Variants in HPSE2 observed in about 807,000 individuals in gnomAD.
The protein encoded by HPSE2 is inactive heparanase-2.
In HPSE2, 38 loss-of-function variants were observed where a neutral mutation model predicts 60.5. The observed-to-expected ratio is 0.63, with a 90% CI of 0.48 to 0.82. The LOEUF is 0.82. HPSE2 is among the 40% of genes least tolerant of loss of function. HPSE2 has a pLI of 0.00. For synonymous variants in HPSE2, 295 were observed against 293.2 expected, an observed-to-expected ratio of 1.01 and a Z score of -0.06; for missense variants, 713 against 740.4, an observed-to-expected ratio of 0.96 and a Z score of 0.43.
At chr10:98,919,121 G>A (rs1224688755) in intron 3 of HPSE2, among the ~76,000 whole-genome samples, 1 of 152,134 alleles carries the variant, frequency 6.6e-6, no homozygotes, top group Non-Finnish European at 1.5e-5. Context: ...GATCAATGCT[G>A]ACTAGAAATC....
chr10:99,232,255 A>G lies in HPSE2; in HGVS notation c.448+93T>C, dbSNP rs375746270. The G allele has an allele frequency of 3.4e-3, 4,734 of 1,376,498 alleles. 138 individuals carry two copies. In the African/African-American group the frequency reaches 0.062, roughly 18 times the overall value. The allele number at this position is 1,376,498 out of a possible 1,614,324, so 85.3% of individuals were successfully genotyped here. A position where few individuals can be genotyped will look rare whatever the true frequency, so the allele number is the denominator to read the frequency against. On this transcript the variant is annotated intron_variant, in intron 2 of 11. Transcript: ENST00000370552. Reference sequence around the variant, plus strand: ...CACACACACACACACACACACACACACGAACACACAGACACACGAACACAC... The same window carrying G: ...CACACACACACACACACACACACACGCGAACACACAGACACACGAACACAC...
At chr10:98,869,844 A>G (rs947152056) in intron 3 of HPSE2, among the ~76,000 whole-genome samples, 2 of 152,180 alleles carry the variant, frequency 1.3e-5, no homozygotes, top group African/African-American at 4.8e-5. Flanking sequence ...TGAGAGGCAT[A>G]CTGTCAAAGT....
chr10:99,280,480 T>A, the HPSE2 span, among the ~76,000 whole-genome samples: 9 of 152,224 alleles, frequency 5.9e-5, no homozygotes, highest in East Asian at 1.4e-3. Flanking sequence ...TTCCCAAATA[T>A]CAACTGCCTA....
At chr10:98,896,197 A>G (rs1953488289) in intron 3 of HPSE2, among the ~76,000 whole-genome samples, 1 of 152,130 alleles carries the variant, frequency 6.6e-6, no homozygotes, top group African/African-American at 2.4e-5. Flanking sequence ...CTCATTGCCT[A>G]CAGTTGATCC....
In HPSE2 at chr10:98,782,707, C is replaced by G. The variant is rs1422493548; in HGVS notation, c.611-38651G>C. ...ATTGGCCAGTGGAATAGACTAGAGT[C>G]CAGAAACAGATCCACACATATTTAG... On this transcript the variant is annotated intron_variant, in intron 3 of 11. Coordinates refer to ENST00000370552, the MANE Select transcript of HPSE2 (RefSeq NM_021828.5). Among the ~76,000 whole-genome samples the G allele has an allele frequency of 2.3e-4, 23 of 98,498 alleles. No individual in the cohort carries two copies. In the East Asian group the frequency reaches 5.1e-3, roughly 22 times the overall value. The allele number at this position is 98,498 out of a possible 152,430, so 64.6% of individuals were successfully genotyped here. A position where few individuals can be genotyped will look rare whatever the true frequency, so the allele number is the denominator to read the frequency against.
chr10:99,145,695 C>T (rs543524640), intron 2 of HPSE2, among the ~76,000 whole-genome samples: 1 of 152,028 alleles, frequency 6.6e-6, no homozygotes, highest in East Asian at 1.9e-4. Flanking sequence ...CTTTTGACAC[C>T]AATGATTTTG....
chr10:99,228,814 G>C (rs1051012341), intron 2 of HPSE2, among the ~76,000 whole-genome samples: 2 of 152,266 alleles, frequency 1.3e-5, no homozygotes, highest in Middle Eastern at 3.4e-3. Context: ...GAAAGTATCT[G>C]GAAAACAGAA....
At chr10:98,572,297 T>C (rs946534617) in intron 9 of HPSE2, among the ~76,000 whole-genome samples, 1 of 152,180 alleles carries the variant, frequency 6.6e-6, no homozygotes, top group Non-Finnish European at 1.5e-5. Context: ...TTTCTAAATA[T>C]AGTATATATT....
intron 9 of HPSE2, among the ~76,000 whole-genome samples, chr10:98,554,942 C>T (rs990803393): frequency 6.6e-6 from 1 of 152,206 alleles, no homozygotes; most frequent in African/African-American, 2.4e-5. Flanking sequence ...CCTAACATTA[C>T]TACCAACTTT....
At chr10:99,223,238 C>T (rs1483411423) in intron 2 of HPSE2, among the ~76,000 whole-genome samples, 2 of 152,098 alleles carry the variant, frequency 1.3e-5, no homozygotes, top group Non-Finnish European at 1.5e-5. Flanking sequence ...GTACTTTCCT[C>T]ATAGGGTTGA....
rs61566669 is a variant in HPSE2, at chr10:98,498,604, A to C, written c.1321-8408T>G. ...CAAAACAAGGCCCTTTAACACCCCC[A>C]AAAAATCACACTGGTTCACCAGCAA... On this transcript the variant is annotated intron_variant, in intron 9 of 11. Transcript: ENST00000370552. 9.9e-3 allele frequency among the ~76,000 whole-genome samples: 1,505 copies of C among 152,260 alleles called. 30 individuals carry two copies. The highest frequency in any genetic ancestry group is 0.031 in the African/African-American group (1,284 of 41,538).
chr10:99,072,856 G>A (rs1038909189), intron 3 of HPSE2, among the ~76,000 whole-genome samples: 2 of 149,832 alleles, frequency 1.3e-5, no homozygotes, highest in African/African-American at 4.9e-5. Flanking sequence ...TTGAACCTGG[G>A]AGGTGGAGGT....
At chr10:99,168,933 G>A (rs186458084) in intron 2 of HPSE2, among the ~76,000 whole-genome samples, 10 of 152,286 alleles carry the variant, frequency 6.6e-5, no homozygotes, top group Admixed American at 1.3e-4. Flanking sequence ...GGTGGCTTGC[G>A]CCTGTAATCC....
At chr10:98,478,644 T>C (rs1941117371) in intron 11 of HPSE2, among the ~76,000 whole-genome samples, 1 of 152,222 alleles carries the variant, frequency 6.6e-6, no homozygotes. Context: ...TGGTTTTCTG[T>C]CATTTTGGAG....
chr10:98,499,412 T>C (rs949923130), intron 9 of HPSE2, among the ~76,000 whole-genome samples: 1 of 152,122 alleles, frequency 6.6e-6, no homozygotes, highest in Non-Finnish European at 1.5e-5. Context: ...AAGCATCATA[T>C]ATGATGGAAA....
chr10:99,132,382 T>C (rs1273550322), intron 3 of HPSE2, among the ~76,000 whole-genome samples: 1 of 152,122 alleles, frequency 6.6e-6, no homozygotes, highest in Non-Finnish European at 1.5e-5. Context: ...CTCTTTGATA[T>C]TGATTCAAGA....
intron 5 of HPSE2, among the ~76,000 whole-genome samples, chr10:98,720,590 T>C (rs1384262835): frequency 2.0e-5 from 3 of 152,268 alleles, no homozygotes; most frequent in Non-Finnish European, 1.5e-5. Context: ...AATGATCATA[T>C]ACTTTGACCA....
chr10:98,958,563 C>A (rs928978713), intron 3 of HPSE2, among the ~76,000 whole-genome samples: 1 of 151,786 alleles, frequency 6.6e-6, no homozygotes, highest in African/African-American at 2.4e-5. Context: ...ATAAAAATAA[C>A]CTTAAGAGAC....
chr10:98,674,411 C>T (rs1022457981), intron 6 of HPSE2, among the ~76,000 whole-genome samples: 15 of 152,138 alleles, frequency 9.9e-5, no homozygotes, highest in African/African-American at 3.1e-4. Context: ...GTGCTTTTGA[C>T]GGTAGCAGCC....
Sources: allele counts gnomAD v4.1 joint callset (sites outside exome capture counted in the v4.1 genomes callset), GRCh38; gene constraint gnomAD v4.1.1; transcripts MANE v1.5; gene names NCBI Gene and HGNC (gene_info 2026-07-23, HGNC 2026-07-21).